The following SH3KBP1 variants were observed in gnomAD, a reference collection of about 807,000 sequenced individuals.
The protein encoded by SH3KBP1 is SH3 domain-containing kinase-binding protein 1.
In SH3KBP1, 8 loss-of-function variants were observed where a neutral mutation model predicts 50.1. The observed-to-expected ratio is 0.16, with a 90% CI of 0.09 to 0.29. SH3KBP1 has a LOEUF of 0.29. Among genes scored for constraint, SH3KBP1 ranks in the 10% least tolerant of loss-of-function variants. SH3KBP1 has a pLI of 1.00. For synonymous variants in SH3KBP1, 227 were observed against 218.6 expected (o/e 1.04, Z -0.34); for missense variants, 377 against 535.2 (o/e 0.70, Z 2.92).
chrX:19,732,872 G>A (rs1242570692), intron 3 of SH3KBP1, among the ~76,000 whole-genome samples: 2 of 111,130 alleles, frequency 1.8e-5, no homozygotes, highest in African/African-American at 6.5e-5. Flanking sequence ...AAAATATGAG[G>A]GGAAAGATCC....
intron 2 of SH3KBP1, among the ~76,000 whole-genome samples, chrX:19,765,694 C>G (rs1451848568): frequency 8.9e-6 from 1 of 111,834 alleles, no homozygotes; most frequent in Admixed American, 9.4e-5. Context: ...AAAAGAAGCT[C>G]TGTACCCATT....
At chrX:19,735,153 G>A (rs1246777433) in intron 3 of SH3KBP1, among the ~76,000 whole-genome samples, 1 of 111,915 alleles carries the variant, frequency 8.9e-6, no homozygotes, top group African/African-American at 3.2e-5. Context: ...TGGTAGTGAT[G>A]TTCGCGCTTT....
rs1237517899 is a variant in SH3KBP1 at position 19,824,438 on chromosome X, T to C, written c.162+11687A>G. 2.7e-5 allele frequency among the ~76,000 whole-genome samples: 3 copies of C among 111,409 alleles called. No individual in the cohort carries two copies. In the East Asian group the frequency reaches 8.5e-4, roughly 32 times the overall value. ...ATCAAGCAGCAGAATCACCTGAACT[T>C]TTTAAAAGATTCTAAGGCTTCTATC... On this transcript the variant is annotated intron_variant, in intron 2 of 17. Transcript: ENST00000397821.
chrX:19,598,720 A>G (rs1379742010), intron 9 of SH3KBP1, among the ~76,000 whole-genome samples: 2 of 111,569 alleles, frequency 1.8e-5, no homozygotes, highest in East Asian at 5.6e-4. Flanking sequence ...TCGTAGGTCA[A>G]TGGAGTAGTC....
chrX:19,565,851 G>T (rs73457631), intron 13 of SH3KBP1, among the ~76,000 whole-genome samples: 2 of 111,203 alleles, frequency 1.8e-5, no homozygotes, highest in Admixed American at 1.9e-4. Flanking sequence ...TTTTAAAATG[G>T]TGTACAACAA....
intron 5 of SH3KBP1, among the ~76,000 whole-genome samples, chrX:19,690,098 C>T (rs1007277766): frequency 3.2e-4 from 33 of 103,577 alleles, no homozygotes; most frequent in Non-Finnish European, 5.1e-4. Context: ...CTTGCTCTGT[C>T]GCCCAGGCTC....
At chrX:19,753,747 T>G (rs2065133498) in intron 2 of SH3KBP1, among the ~76,000 whole-genome samples, 1 of 111,387 alleles carries the variant, frequency 9.0e-6, no homozygotes, top group Non-Finnish European at 1.9e-5. Flanking sequence ...ACCCATGCTA[T>G]CAAACCACCA....
At chrX:19,790,034 C>T (rs1183906516) in intron 2 of SH3KBP1, among the ~76,000 whole-genome samples, 1 of 108,196 alleles carries the variant, frequency 9.2e-6, no homozygotes, top group Non-Finnish European at 1.9e-5. Context: ...AAAGCTGCCC[C>T]ACCTCCTCTA....
At chrX:19,613,544 G>A (rs936316232) in intron 8 of SH3KBP1, among the ~76,000 whole-genome samples, 1 of 112,542 alleles carries the variant, frequency 8.9e-6, no homozygotes, top group Non-Finnish European at 1.9e-5. Context: ...TCAAACTCAA[G>A]TCCTTAAAAT....
intron 6 of SH3KBP1, among the ~76,000 whole-genome samples, chrX:19,664,925 A>G (rs1170496928): frequency 1.8e-5 from 2 of 112,450 alleles, no homozygotes; most frequent in East Asian, 2.8e-4. Context: ...TGTTCTTCCA[A>G]TGTAGTAACT....
chrX:19,834,368 C>T (rs1036610824), intron 2 of SH3KBP1, among the ~76,000 whole-genome samples: 1 of 112,102 alleles, frequency 8.9e-6, no homozygotes, highest in Non-Finnish European at 1.9e-5. Context: ...TCTGGTAACA[C>T]GGAGACTACA....
chrX:19,748,609 G>C (rs2064984834), intron 2 of SH3KBP1, among the ~76,000 whole-genome samples: 1 of 111,908 alleles, frequency 8.9e-6, no homozygotes, highest in Non-Finnish European at 1.9e-5. Context: ...TGCTTAAGTT[G>C]CTTCTTTAGG....
At chrX:19,734,865 G>C (rs1029648215) in intron 3 of SH3KBP1, among the ~76,000 whole-genome samples, 1 of 112,042 alleles carries the variant, frequency 8.9e-6, no homozygotes, top group African/African-American at 3.2e-5. Context: ...TCCTTCTTAC[G>C]ATACTCCATT....
At chrX:19,658,656 C>T (rs770448692) in intron 6 of SH3KBP1, among the ~76,000 whole-genome samples, 4 of 109,665 alleles carry the variant, frequency 3.6e-5, no homozygotes, top group African/African-American at 1.3e-4. Context: ...CCTCTGCCTC[C>T]TGGGTTCAAG....
intron 6 of SH3KBP1, among the ~76,000 whole-genome samples, chrX:19,659,587 T>C (rs754670104): frequency 8.9e-6 from 1 of 112,004 alleles, no homozygotes; most frequent in Non-Finnish European, 1.9e-5. Context: ...ATTTGATACG[T>C]CTTCTAGATG....
At chrX:19,854,501 T>C (rs1219344242) in intron 1 of SH3KBP1, among the ~76,000 whole-genome samples, 2 of 112,000 alleles carry the variant, frequency 1.8e-5, no homozygotes, top group Non-Finnish European at 3.8e-5. Context: ...TGTGCCTACA[T>C]GTATGTTAAC....
intron 5 of SH3KBP1, among the ~76,000 whole-genome samples, chrX:19,688,172 C>T (rs769052373): frequency 4.5e-5 from 5 of 111,858 alleles, no homozygotes; most frequent in East Asian, 2.8e-4. Context: ...ATGATAAAAA[C>T]GAATATTCAT....
At chrX:19,860,574 C>T (rs1189074776) in intron 1 of SH3KBP1, among the ~76,000 whole-genome samples, 1 of 111,616 alleles carries the variant, frequency 9.0e-6, no homozygotes, top group Non-Finnish European at 1.9e-5. Context: ...GTACGTGATG[C>T]CACTGAATTG....
intron 4 of SH3KBP1, among the ~76,000 whole-genome samples, chrX:19,704,599 T>C (rs1367330057): frequency 8.9e-6 from 1 of 112,440 alleles, no homozygotes; most frequent in Non-Finnish European, 1.9e-5. Flanking sequence ...AAAAACTCTT[T>C]TTGTATTTCC....
Sources: allele counts gnomAD v4.1 joint callset (sites outside exome capture counted in the v4.1 genomes callset), GRCh38; gene constraint gnomAD v4.1.1; transcripts MANE v1.5; gene names NCBI Gene and HGNC (gene_info 2026-07-23, HGNC 2026-07-21).